SLC38A8: variants seen among roughly 807,000 people sequenced by gnomAD.
The protein encoded by SLC38A8 is amino acid transporter SLC38A8.
Under a neutral mutation model 46.0 loss-of-function variants are expected in SLC38A8, and 65 were observed. The observed-to-expected ratio is 1.41, with a 90% CI of 1.16 to 1.74. The LOEUF is 1.74. Among genes scored for constraint, SLC38A8 ranks in the 40% most tolerant of loss-of-function variants. SLC38A8 has a pLI of 0.00. For missense variants in SLC38A8, 998 were observed against 567.9 expected, an observed-to-expected ratio of 1.76 and a Z score of -7.70; for synonymous variants, 447 against 243.7, an observed-to-expected ratio of 1.83 and a Z score of -7.77.
At chr16:84,015,792 G>C (rs968163004) in intron 9 of SLC38A8, among the ~76,000 whole-genome samples, 24 of 152,124 alleles carry the variant, frequency 1.6e-4, no homozygotes, top group African/African-American at 5.6e-4. Flanking sequence ...TGCAACCTCC[G>C]CCTCCCGGGT....
Position 84,035,104 on chromosome 16 carries a change from G to A in SLC38A8, c.388+1598C>T, listed in dbSNP as rs117389333. Among the ~76,000 whole-genome samples the A allele has an allele frequency of 1.0e-3, 156 of 152,314 alleles. 1 individual carries two copies. The East Asian group carries it at 0.015, about 15-fold the overall frequency. ...CAGTCAATCAACCCAGACCTGGGGTGGCCCGTATCCTCATCCGTCCTCTGA... is the reference window on the plus strand; with the variant it reads ...CAGTCAATCAACCCAGACCTGGGGTAGCCCGTATCCTCATCCGTCCTCTGA... On this transcript the variant is annotated intron_variant, in intron 3 of 10. Transcript: ENST00000299709.
At position 84,024,539 on chromosome 16, in the gene SLC38A8, G is replaced by C. The variant is rs145269124; in HGVS notation, c.691-1650C>G. Among the ~76,000 whole-genome samples the C allele has an allele frequency of 5.6e-3, 849 of 152,124 alleles. 6 individuals are homozygous for C. The highest frequency in any genetic ancestry group is 0.02 in the African/African-American group (818 of 41,548). ...CTCACGCCTGTAATCCCAGCACTTT[G>C]GGAGGCCAAGGCGTGTGGATCACCT... On this transcript the variant is annotated intron_variant, in intron 6 of 10. Coordinates refer to ENST00000299709, the MANE Select transcript of SLC38A8 (RefSeq NM_001080442.3).
chr16:84,024,930 C>G (rs1458843497), intron 6 of SLC38A8, among the ~76,000 whole-genome samples: 1 of 152,240 alleles, frequency 6.6e-6, no homozygotes, highest in East Asian at 2.0e-4. Context: ...ATCCTCCCAC[C>G]TCGGCCTCGC....
At chr16:84,027,128 G>T (rs1035603446) in intron 6 of SLC38A8, among the ~76,000 whole-genome samples, 1 of 152,286 alleles carries the variant, frequency 6.6e-6, no homozygotes, top group Admixed American at 6.5e-5. Context: ...GAGGTGGGCA[G>T]ATCAAAAGGT....
At chr16:84,017,880 G>A (rs1350029198) in intron 7 of SLC38A8, among the ~76,000 whole-genome samples, 1 of 152,130 alleles carries the variant, frequency 6.6e-6, no homozygotes, top group African/African-American at 2.4e-5. Context: ...GAGGTCCCAT[G>A]ACCCTGGCAG....
intron 10 of SLC38A8, among the ~76,000 whole-genome samples, chr16:84,010,350 C>T (rs919167296): frequency 4.6e-5 from 7 of 152,160 alleles, no homozygotes; most frequent in South Asian, 2.1e-4. Context: ...GGATTACAAG[C>T]GCAAGCCACC....
intron 5 of SLC38A8, among the ~76,000 whole-genome samples, chr16:84,030,303 C>A (rs963508209): frequency 1.3e-4 from 20 of 152,094 alleles, no homozygotes; most frequent in Non-Finnish European, 2.4e-4. Flanking sequence ...GTCACAACAG[C>A]CCTCGGACAC....
chr16:84,013,452 G>A, intron 9 of SLC38A8, among the ~76,000 whole-genome samples: 1 of 49,390 alleles, frequency 2.0e-5, no homozygotes, highest in African/African-American at 1.1e-4. Context: ...TTTTTTTTGA[G>A]ACGGAGTCTC....
At chr16:84,019,948 C>T (rs1398169652) in intron 7 of SLC38A8, among the ~76,000 whole-genome samples, 3 of 152,240 alleles carry the variant, frequency 2.0e-5, no homozygotes, top group Non-Finnish European at 4.4e-5. Flanking sequence ...ACGGCTTTGC[C>T]GGGTACAGCC....
intron 5 of SLC38A8, among the ~76,000 whole-genome samples, chr16:84,031,258 T>C (rs1458572034): frequency 6.6e-6 from 1 of 151,972 alleles, no homozygotes; most frequent in Non-Finnish European, 1.5e-5. Context: ...CAAGGTTGGT[T>C]TTGAACTCCT....
intron 6 of SLC38A8, among the ~76,000 whole-genome samples, chr16:84,023,666 G>C (rs1436685098): frequency 1.3e-5 from 2 of 152,136 alleles, no homozygotes; most frequent in East Asian, 3.9e-4. Flanking sequence ...GGCCGAAGGG[G>C]GCAGATCACT....
At chr16:84,027,969 C>G (rs1437804628) in intron 6 of SLC38A8, among the ~76,000 whole-genome samples, 1 of 152,132 alleles carries the variant, frequency 6.6e-6, no homozygotes, top group Non-Finnish European at 1.5e-5. Flanking sequence ...TGTGAGAAAT[C>G]CACAGAAGTG....
chr16:84,026,740 G>C (rs2085168890), intron 6 of SLC38A8, among the ~76,000 whole-genome samples: 2 of 152,214 alleles, frequency 1.3e-5, no homozygotes, highest in Admixed American at 1.3e-4. Flanking sequence ...AGATAGGGTG[G>C]CTACAACATG....
chr16:84,026,009 G>A (rs554988900), intron 6 of SLC38A8, among the ~76,000 whole-genome samples: 4 of 152,362 alleles, frequency 2.6e-5, no homozygotes, highest in Non-Finnish European at 5.9e-5. Context: ...TGCCCACAAT[G>A]GGGACCTCCG....
At position 84,031,967 on chromosome 16, in the gene SLC38A8, T is replaced by C. The variant is rs774284660; in HGVS notation, c.532A>G (p.Ile178Val). 2 of 1,614,010 alleles carry C rather than the reference T, an allele frequency of 1.2e-6. No homozygotes were observed. Among genetic ancestry groups the C allele is most frequent in the South Asian group, 1.1e-5 (1 of 91,088 alleles). The change falls in exon 5 of 11, where the codon ATC becomes GTC. Residue 178 changes from isoleucine (I) to valine (V), a missense_variant and splice_region_variant. By Grantham distance (29) the Ile-to-Val change is conservative (BLOSUM62 3). Transcript: ENST00000299709. The stretch of plus-strand genomic sequence containing the variant: ...TAACAGGCAGCCAGAGTGCCTAGGA[T>C]GCTAACACAGTGACCGTGTGAGGGG... ...REIAFQKYTS[I>V]LGTLAACYLA...
At chr16:84,014,823 T>A (rs1053448058) in intron 9 of SLC38A8, among the ~76,000 whole-genome samples, 13 of 152,232 alleles carry the variant, frequency 8.5e-5, no homozygotes, top group Admixed American at 7.9e-4. Context: ...CACACATCAG[T>A]TGGCCTCTTT....
At chr16:84,027,137 G>GT (rs1398205666) in intron 6 of SLC38A8, among the ~76,000 whole-genome samples, 1 of 152,116 alleles carries the variant, frequency 6.6e-6, no homozygotes, top group African/African-American at 2.4e-5. Flanking sequence ...AGATCAAAAG[G>GT]TTAAGAGATC....
intron 2 of SLC38A8, 104 bp from the exon 3 acceptor site, chr16:84,037,004 G>C: frequency 8.3e-7 from 1 of 1,203,038 alleles, no homozygotes; most frequent in South Asian, 1.4e-5. Context: ...CTCATCCACA[G>C]AGGCCAGGGC....
At chr16:84,019,598 C>T (rs2085072188) in intron 7 of SLC38A8, among the ~76,000 whole-genome samples, 1 of 152,142 alleles carries the variant, frequency 6.6e-6, no homozygotes. Flanking sequence ...TCCCTGAGTC[C>T]CCAAAACTCA....
Sources: allele counts gnomAD v4.1 joint callset (sites outside exome capture counted in the v4.1 genomes callset), GRCh38; gene constraint gnomAD v4.1.1; transcripts MANE v1.5; gene names NCBI Gene and HGNC (gene_info 2026-07-23, HGNC 2026-07-21).